The following MEST variants were observed in gnomAD, a reference collection of about 807,000 sequenced individuals.
MEST encodes the protein mesoderm specific transcript.
Under a neutral mutation model 50.9 loss-of-function variants are expected in MEST, and 18 were observed. The ratio of observed to expected loss-of-function variants is 0.35; its 90% confidence interval spans 0.24 to 0.52. The LOEUF is 0.52. Ranked by LOEUF, MEST falls within the 20% of genes least tolerant of loss-of-function variation. The probability of loss-of-function intolerance (pLI) is 0.94; values close to 1 mark genes in which losing one functional copy is unlikely to be tolerated. For missense variants in MEST, 282 were observed against 425.3 expected (o/e 0.66, Z 2.96); for synonymous variants, 130 against 154.1 (o/e 0.84, Z 1.16).
exon 1 of MEST, chr7:130,486,223 GGGCGATGGGCTTGTGCGCGGACCT>G (rs549434722): frequency 1.1e-3 from 172 of 152,376 alleles, no homozygotes; most frequent in African/African-American, 3.9e-3. Context: ...CTGGGCTCGG[GGGCGATGGGCTTGTGCGCGGACCT>G]GGCGACGCTC....
In MEST at chr7:130,492,495, T is replaced by G. The variant is rs1303903980; in HGVS notation, c.26+156T>G. The G allele has an allele frequency of 3.8e-6, 2 of 527,330 alleles. No individual in the cohort carries two copies. Among genetic ancestry groups the G allele is most frequent in the East Asian group, 7.2e-5 (2 of 27,690 alleles). 32.7% of individuals were successfully genotyped at this position (527,330 alleles called of 1,614,324 possible). A position where few individuals can be genotyped will look rare whatever the true frequency, so the allele number is the denominator to read the frequency against. ...GCATTCCGCGCCCGCTCTGCCTACTTGAGGAGGGGGTGTCACTCCTGCCCG... is the reference window on the plus strand; with the variant it reads ...GCATTCCGCGCCCGCTCTGCCTACTGGAGGAGGGGGTGTCACTCCTGCCCG... On this transcript the variant is annotated intron_variant, in intron 1 of 11. Transcript: ENST00000223215. This position sits in a 1 kb window ranked among gnomAD's most constrained non-coding sequence, Gnocchi z 7.6.
chr7:130,491,831 A>G (rs1798823773), upstream of MEST, among the ~76,000 whole-genome samples: 1 of 152,022 alleles, frequency 6.6e-6, no homozygotes, highest in Non-Finnish European at 1.5e-5. The surrounding 1 kb of genome is among the most constrained non-coding windows in gnomAD (Gnocchi z 6.8). Context: ...CTGCAGCAGA[A>G]TCTCGGGCTC....
chr7:130,503,759 T>C (rs1175113862), intron 10 of MEST, among the ~76,000 whole-genome samples, 174 bp from the exon 11 acceptor site: 1 of 152,164 alleles, frequency 6.6e-6, no homozygotes, highest in Non-Finnish European at 1.5e-5. Flanking sequence ...GAGGTTACAG[T>C]GAGCTATGAC....
Position 130,492,137 on chromosome 7 carries a change from C to T in MEST, c.-177C>T. On this transcript the variant is annotated 5_prime_UTR_variant, in exon 1 of 12. Transcript: ENST00000223215. The surrounding 1 kb of genome is among the most constrained non-coding windows in gnomAD (Gnocchi z 7.6). ...CCTCCTCTGCGGCAGCTGCGCCTCG[C>T]AAGCGCAGTGCCGCAGCGCACGCCG... 3.0e-6 allele frequency: 1 copy of T among 334,760 alleles called. No homozygotes were observed. Among genetic ancestry groups the T allele is most frequent in the Non-Finnish European group, 5.1e-6 (1 of 197,714 alleles). 20.7% of individuals were successfully genotyped at this position (334,760 alleles called of 1,614,324 possible). A position where few individuals can be genotyped will look rare whatever the true frequency, so the allele number is the denominator to read the frequency against.
At position 130,492,698 on chromosome 7, in the gene MEST, G is replaced by A. The variant is rs141416979; in HGVS notation, c.26+359G>A. The A allele has an allele frequency of 2.2e-5, 5 of 224,400 alleles. No individual in the cohort carries two copies. Among genetic ancestry groups the A allele is most frequent in the Non-Finnish European group, 3.5e-5 (4 of 115,022 alleles). The allele number at this position is 224,400 out of a possible 1,614,324, so 13.9% of individuals were successfully genotyped here. A position where few individuals can be genotyped will look rare whatever the true frequency, so the allele number is the denominator to read the frequency against. On this transcript the variant is annotated intron_variant, in intron 1 of 11. Coordinates refer to ENST00000223215, the MANE Select transcript of MEST (RefSeq NM_002402.4). This position sits in a 1 kb window ranked among gnomAD's most constrained non-coding sequence, Gnocchi z 7.6. ...ATTTTTAGATCCTGGCATCACCCTG[G>A]TGCGATTTAGGATTTTTATACTCAG... is the stretch of plus-strand genomic sequence containing the variant.
chr7:130,494,499 G>C (rs1798964069), intron 1 of MEST: 1 of 152,166 alleles, frequency 6.6e-6, no homozygotes, highest in Non-Finnish European at 1.5e-5. Context: ...GGAGGGTTGG[G>C]TGTACCAACC....
chr7:130,501,466 A>C (rs1377233356), intron 9 of MEST, among the ~76,000 whole-genome samples: 1 of 152,232 alleles, frequency 6.6e-6, no homozygotes, highest in Non-Finnish European at 1.5e-5. Flanking sequence ...AAAACTGAAG[A>C]ACAATTAAGA....
chr7:130,490,867 A>G (rs1453272040), upstream of MEST: 1 of 152,196 alleles, frequency 6.6e-6, no homozygotes, highest in Non-Finnish European at 1.5e-5. Context: ...GGTTCTGATG[A>G]TAGGCTTATA....
At position 130,492,511 on chromosome 7, in the gene MEST, C is replaced by G. The variant is rs1798866336; in HGVS notation, c.26+172C>G. ...CTGCCTACTTGAGGAGGGGGTGTCA[C>G]TCCTGCCCGCAATGGAATGTTCAGA... On this transcript the variant is annotated intron_variant, in intron 1 of 11. Transcript: ENST00000223215. This position sits in a 1 kb window ranked among gnomAD's most constrained non-coding sequence, Gnocchi z 7.6. The G allele has an allele frequency of 2.3e-6, 1 of 442,046 alleles. No individual in the cohort carries two copies. Among genetic ancestry groups the G allele is most frequent in the Non-Finnish European group, 3.7e-6 (1 of 267,800 alleles). The allele number at this position is 442,046 out of a possible 1,614,324, so 27.4% of individuals were successfully genotyped here.
At chr7:130,498,338 G>A (rs1799147847) in intron 5 of MEST, 63 bp downstream of exon 5, 6 of 1,611,466 alleles carry the variant, frequency 3.7e-6, no homozygotes, top group South Asian at 1.1e-5. Flanking sequence ...TGGACTGTTT[G>A]TATCCTTTTT....
upstream of MEST, chr7:130,488,946 C>T (rs142939385): frequency 5.1e-4 from 78 of 152,300 alleles, no homozygotes; most frequent in African/African-American, 1.3e-3. Flanking sequence ...AAAACCCCTT[C>T]GTTAACATGT....
At chr7:130,503,905 A>T (rs782256797) in intron 10 of MEST, 28 bp from the exon 11 acceptor site, 1 of 1,548,466 alleles carries the variant, frequency 6.5e-7, no homozygotes, top group Middle Eastern at 1.9e-4. Flanking sequence ...AGAGCTGTTA[A>T]GTATTTCATT....
At chr7:130,504,118 C>T in intron 11 of MEST, 122 bp downstream of exon 11, 1 of 701,550 alleles carries the variant, frequency 1.4e-6, no homozygotes, top group Admixed American at 2.4e-5. Flanking sequence ...GCTGTTCATC[C>T]AGGAAACAAT....
intron 6 of MEST, 79 bp downstream of exon 6, chr7:130,498,556 A>G: frequency 8.0e-7 from 1 of 1,250,714 alleles, no homozygotes; most frequent in Non-Finnish European, 1.2e-6. Context: ...CTAAATGGTA[A>G]TCTGATAATA....
At chr7:130,486,214 T>C (rs1554433627) in exon 1 of MEST, 2 of 152,222 alleles carry the variant, frequency 1.3e-5, no homozygotes. Context: ...CAGCACATGC[T>C]GGGCTCGGGG....
In MEST at chr7:130,497,001, G is replaced by A. The variant is rs572514852; in HGVS notation, c.182-155G>A. 2.8e-5 allele frequency: 15 copies of A among 537,736 alleles called. No individual in the cohort carries two copies. The highest frequency in any genetic ancestry group is 2.6e-4 in the South Asian group (10 of 38,784). The allele number at this position is 537,736 out of a possible 1,614,324, so 33.3% of individuals were successfully genotyped here. On this transcript the variant is annotated intron_variant, in intron 2 of 11. Coordinates refer to ENST00000223215, the MANE Select transcript of MEST (RefSeq NM_002402.4). The surrounding 1 kb of genome is among the most constrained non-coding windows in gnomAD (Gnocchi z 4.0). ...GAGAAAAGGCCTGTTCTCACCTAAC[G>A]CAGTTAAGCTTACATTTTACAAATA...
At chr7:130,504,457 A>G (rs1799397885) in intron 11 of MEST, among the ~76,000 whole-genome samples, 1 of 152,188 alleles carries the variant, frequency 6.6e-6, no homozygotes, top group Non-Finnish European at 1.5e-5. Flanking sequence ...CAGAATATGA[A>G]ATCTTGATTA....
At chr7:130,492,081 G>C, upstream of MEST, 1 of 252,824 alleles carries the variant, frequency 4.0e-6, no homozygotes, top group Non-Finnish European at 7.5e-6. The surrounding 1 kb of genome is among the most constrained non-coding windows in gnomAD (Gnocchi z 7.6). Context: ...CACTCGCTCC[G>C]CGCTGCCGCG....
Position 130,500,982 on chromosome 7 carries a change from T to C in MEST, c.749+92T>C, listed in dbSNP as rs1799256435. ...CTGTTCCTTGCTGGCTTATTCCCTA[T>C]CACAGGAAGGCTGATGATGACCTAT... On this transcript the variant is annotated intron_variant, in intron 9 of 11. Coordinates refer to ENST00000223215, the MANE Select transcript of MEST (RefSeq NM_002402.4). The surrounding 1 kb of genome is among the most constrained non-coding windows in gnomAD (Gnocchi z 5.0). 1 of 1,099,776 alleles carries C rather than the reference T, an allele frequency of 9.1e-7. No individual in the cohort carries two copies. Among genetic ancestry groups the C allele is most frequent in the Admixed American group, 2.3e-5 (1 of 44,364 alleles). 68.1% of individuals were successfully genotyped at this position (1,099,776 alleles called of 1,614,324 possible).
Sources: allele counts gnomAD v4.1 joint callset (sites outside exome capture counted in the v4.1 genomes callset), GRCh38; gene constraint gnomAD v4.1.1; non-coding constraint Gnocchi (gnomAD v3.1); transcripts MANE v1.5; gene names NCBI Gene and HGNC (gene_info 2026-07-23, HGNC 2026-07-21).